STRN3: variants seen among roughly 807,000 people sequenced by gnomAD.
STRN3 encodes striatin-3.
STRN3 carries 29 observed loss-of-function variants against 95.6 expected under a neutral mutation model. The ratio of observed to expected loss-of-function variants is 0.30; its 90% CI spans 0.23 to 0.41. STRN3 has a LOEUF of 0.41. Among genes scored for constraint, STRN3 ranks in the 10% least tolerant of loss-of-function variants. The probability of loss-of-function intolerance (pLI) is 1.00; values close to 1 mark genes in which losing one functional copy is unlikely to be tolerated. For synonymous variants in STRN3, 331 were observed against 357.6 expected (o/e 0.93, Z 0.84); for missense variants, 890 against 972.1 (o/e 0.92, Z 1.12).
intron 9 of STRN3, among the ~76,000 whole-genome samples, chr14:30,917,259 G>A (rs1010569369): frequency 6.6e-6 from 1 of 152,118 alleles, no homozygotes; most frequent in Non-Finnish European, 1.5e-5. Flanking sequence ...CCAGCATCAA[G>A]AAACAGATCA....
At chr14:30,912,343 A>T (rs1297111212) in intron 10 of STRN3, 161 bp from the exon 11 acceptor site, 1 of 554,478 alleles carries the variant, frequency 1.8e-6, no homozygotes, top group Non-Finnish European at 2.9e-6. Context: ...TTCTAAAAAA[A>T]CTTTATCATT....
chr14:30,937,938 T>C (rs1878903479), intron 5 of STRN3, among the ~76,000 whole-genome samples: 1 of 152,166 alleles, frequency 6.6e-6, no homozygotes, highest in Admixed American at 6.6e-5. Flanking sequence ...GGTTCTAGCA[T>C]ACATACCTCC....
intron 5 of STRN3, among the ~76,000 whole-genome samples, chr14:30,938,846 T>A (rs1055800221): frequency 6.6e-6 from 1 of 152,144 alleles, no homozygotes; most frequent in Non-Finnish European, 1.5e-5. Context: ...GGAATGCAAA[T>A]AAGCATATGA....
intron 1 of STRN3, among the ~76,000 whole-genome samples, chr14:31,015,396 C>T (rs977457643): frequency 1.3e-5 from 2 of 148,168 alleles, no homozygotes; most frequent in African/African-American, 2.5e-5. Context: ...TTTTTTGAGA[C>T]GGAGTTTCAT....
intron 1 of STRN3, among the ~76,000 whole-genome samples, chr14:31,009,331 T>C (rs1286309069): frequency 6.6e-6 from 1 of 152,148 alleles, no homozygotes; most frequent in Non-Finnish European, 1.5e-5. Context: ...ATATTTTATT[T>C]GGGACATGGA....
In STRN3 at chr14:30,912,077, C is replaced by A; in HGVS notation, c.1480G>T (p.Val494Leu). The A allele has an allele frequency of 6.2e-7, 1 of 1,614,108 alleles. No individual in the cohort carries two copies. The highest frequency in any genetic ancestry group is 1.1e-5 in the South Asian group (1 of 91,078). ...TGGTCCTCAGAAGCAGTAACCAGCACAGGTTCTACAGGATGAAAAGCTAAT... is the reference window on the plus strand; with the variant it reads ...TGGTCCTCAGAAGCAGTAACCAGCAAAGGTTCTACAGGATGAAAAGCTAAT... The part of the protein sequence containing the change: ...RALAFHPVEP[V>L]LVTASEDHTL... Residue 494 changes from valine (V) to leucine (L), a missense_variant, in exon 11 of 18, where the codon GTG becomes TTG. Coordinates refer to ENST00000357479, the MANE Select transcript of STRN3 (RefSeq NM_001083893.2).
At chr14:30,950,297 A>G (rs911254813) in intron 4 of STRN3, among the ~76,000 whole-genome samples, 1 of 152,212 alleles carries the variant, frequency 6.6e-6, no homozygotes, top group African/African-American at 2.4e-5. Context: ...TACCTACAGC[A>G]GAAAAGGCTG....
At chr14:30,963,178 G>A (rs1880297224) in intron 1 of STRN3, among the ~76,000 whole-genome samples, 2 of 152,156 alleles carry the variant, frequency 1.3e-5, no homozygotes, top group Non-Finnish European at 2.9e-5. Flanking sequence ...TGACAGAACA[G>A]AACGGAGAAC....
chr14:30,958,498 G>A (rs1352550391), intron 1 of STRN3, among the ~76,000 whole-genome samples: 2 of 152,164 alleles, frequency 1.3e-5, no homozygotes, highest in African/African-American at 2.4e-5. Flanking sequence ...TGTCAAATTC[G>A]TCATACACTT....
chr14:31,018,538 C>G, intron 1 of STRN3: 1 of 436,166 alleles, frequency 2.3e-6, no homozygotes, highest in African/African-American at 2.0e-5. Flanking sequence ...TAAAGGACAT[C>G]CTGGCTGAAG....
chr14:30,947,244 A>G lies in STRN3; in HGVS notation c.562T>C (p.Tyr188His). 6.3e-7 allele frequency: 1 copy of G among 1,595,518 alleles called. No individual in the cohort carries two copies. Among genetic ancestry groups the G allele is most frequent in the Non-Finnish European group, 8.5e-7 (1 of 1,173,900 alleles). Residue 188 changes from tyrosine (Y) to histidine (H), a missense_variant, in exon 5 of 18, where the codon TAT (tyrosine) becomes CAT (histidine). Around this residue, in one of 3 missense-constraint regions of STRN3, gnomAD observed 526 missense variants for 526.3 expected, o/e 1.00. Coordinates refer to ENST00000357479, the MANE Select transcript of STRN3 (RefSeq NM_001083893.2). Reference sequence around the variant, plus strand: ...CGTACATCTAATATTGTATCTGTATAACCTACTTCCTGAAGATACCTGTAA... The same window carrying G: ...CGTACATCTAATATTGTATCTGTATGACCTACTTCCTGAAGATACCTGTAA... ...LLRQYLQEVG[Y>H]TDTILDVRSQ...
intron 1 of STRN3, 105 bp downstream of exon 1, chr14:31,025,799 T>G: frequency 6.7e-7 from 1 of 1,481,700 alleles, no homozygotes; most frequent in East Asian, 2.5e-5. Flanking sequence ...TAGGTTCCGC[T>G]CGGCCTCCCA....
At chr14:30,961,319 A>G (rs991228001) in intron 1 of STRN3, among the ~76,000 whole-genome samples, 4 of 152,234 alleles carry the variant, frequency 2.6e-5, no homozygotes, top group African/African-American at 9.6e-5. Context: ...AAAATTTTAA[A>G]AAAGACAAGA....
intron 8 of STRN3, among the ~76,000 whole-genome samples, chr14:30,924,186 T>A (rs1203561740): frequency 5.6e-5 from 8 of 141,680 alleles, no homozygotes; most frequent in African/African-American, 2.1e-4. Context: ...GAGCAACATG[T>A]CTACAACTTA....
intron 5 of STRN3, among the ~76,000 whole-genome samples, chr14:30,941,657 C>T (rs1170762937): frequency 6.6e-6 from 1 of 151,932 alleles, no homozygotes; most frequent in African/African-American, 2.4e-5. Flanking sequence ...ATGGAGTTTC[C>T]CTTTGTCACC....
intron 3 of STRN3, among the ~76,000 whole-genome samples, chr14:30,953,794 T>C (rs1879769370): frequency 6.6e-6 from 1 of 152,118 alleles, no homozygotes; most frequent in East Asian, 1.9e-4. Flanking sequence ...CAAGCCTGGG[T>C]AATTTCTGTA....
chr14:30,905,461 T>A lies in STRN3; in HGVS notation c.1986A>T (p.Glu662Asp). ...NTGSAVIYDLETSQSLVILSS... is the reference protein window; with the variant it reads ...NTGSAVIYDLDTSQSLVILSS... ...AAAGTATCACCAATGACTGTGATGTTTCTAAATCATAAATTACTGCACTAC... is the reference window on the plus strand; with the variant it reads ...AAAGTATCACCAATGACTGTGATGTATCTAAATCATAAATTACTGCACTAC... Residue 662 changes from glutamate (E) to aspartate (D), a missense_variant, in exon 15 of 18, where the codon GAA becomes GAT. Around this residue, in one of 3 missense-constraint regions of STRN3, gnomAD observed 357 missense variants for 422.8 expected, o/e 0.84. Coordinates refer to ENST00000357479, the MANE Select transcript of STRN3 (RefSeq NM_001083893.2). 6.2e-7 allele frequency: 1 copy of A among 1,608,818 alleles called. No individual in the cohort carries two copies. The highest frequency in any genetic ancestry group is 8.5e-7 in the Non-Finnish European group (1 of 1,178,054).
At position 30,912,278 on chromosome 14, in the gene STRN3, T is replaced by C. The variant is rs115310492; in HGVS notation, c.1375-96A>G. ...TTCTTTTTGGTGTGTTTAACACATA[T>C]ATTTAAAACTGTTGGCTAAAATGTC... On this transcript the variant is annotated intron_variant, in intron 10 of 17. Coordinates refer to ENST00000357479, the MANE Select transcript of STRN3 (RefSeq NM_001083893.2). The C allele has an allele frequency of 8.3e-4, 953 of 1,150,116 alleles. 3 individuals are homozygous for C. The African/African-American group carries it at 0.014, about 16-fold the overall frequency. 71.2% of individuals were successfully genotyped at this position (1,150,116 alleles called of 1,614,324 possible). A position where few individuals can be genotyped will look rare whatever the true frequency, so the allele number is the denominator to read the frequency against.
At chr14:30,949,391 T>A (rs559011490) in intron 4 of STRN3, among the ~76,000 whole-genome samples, 37 of 152,288 alleles carry the variant, frequency 2.4e-4, no homozygotes, top group Non-Finnish European at 4.0e-4. Flanking sequence ...GGCGGGCAGA[T>A]CACGACGTCA....
Sources: gnomAD v4.1 joint callset for allele counts (sites outside exome capture counted in the v4.1 genomes callset) on GRCh38, gnomAD v4.1.1 for gene constraint, gnomAD v4.1.1 regional missense constraint, MANE v1.5 for transcripts, NCBI Gene and HGNC (gene_info 2026-07-23, HGNC 2026-07-21) for gene names.